CRIM1: variants seen among roughly 807,000 people sequenced by gnomAD.
CRIM1 encodes cysteine-rich motor neuron 1 protein.
CRIM1 carries 32 observed loss-of-function variants against 116.4 expected under a neutral mutation model. The observed-to-expected ratio is 0.27, with a 90% CI of 0.21 to 0.37. CRIM1 has a LOEUF of 0.37. Ranked by LOEUF, CRIM1 falls within the 10% of genes least tolerant of loss-of-function variation. CRIM1 has a pLI of 1.00. For missense variants in CRIM1, 1,331 were observed against 1,354.8 expected, an observed-to-expected ratio of 0.98 and a Z score of 0.28; for synonymous variants, 590 against 509.2, an observed-to-expected ratio of 1.16 and a Z score of -2.13.
At chr2:36,440,146 G>T (rs192591652) in intron 2 of CRIM1, among the ~76,000 whole-genome samples, 4 of 152,264 alleles carry the variant, frequency 2.6e-5, no homozygotes, top group Admixed American at 2.6e-4. Flanking sequence ...GAGGTGACCT[G>T]GATTCTTGCT....
intron 2 of CRIM1, among the ~76,000 whole-genome samples, chr2:36,418,924 A>G (rs1316325479): frequency 6.6e-6 from 1 of 152,098 alleles, no homozygotes; most frequent in Non-Finnish European, 1.5e-5. Context: ...CTGTGTCACC[A>G]CCACTGGAGT....
intron 7 of CRIM1, among the ~76,000 whole-genome samples, chr2:36,496,277 A>T (rs191979997): frequency 1.3e-5 from 2 of 152,346 alleles, no homozygotes; most frequent in East Asian, 3.9e-4. Context: ...TATATTTAAC[A>T]TATCACAATG....
At chr2:36,389,995 A>C (rs1572622697) in intron 1 of CRIM1, among the ~76,000 whole-genome samples, 2 of 152,082 alleles carry the variant, frequency 1.3e-5, no homozygotes, top group East Asian at 3.9e-4. Flanking sequence ...TATCCTTCTC[A>C]GTGCCCACTT....
chr2:36,500,009 C>T (rs76868362), intron 8 of CRIM1, among the ~76,000 whole-genome samples: 2,208 of 152,118 alleles, frequency 0.015, 59 homozygotes, highest in African/African-American at 0.051. Flanking sequence ...ATTGTCTTTA[C>T]ATAAAATATG....
rs941635166 is a variant in CRIM1, at chr2:36,549,585, G to A, written c.*884G>A. On this transcript the variant is annotated 3_prime_UTR_variant, in exon 17 of 17. Transcript: ENST00000280527. ...GTTGCTTTGTTCTGTTATATTGTTG[G>A]TTGTTCATAGTTTTTGTTGAAGCTC... is the stretch of plus-strand genomic sequence containing the variant. The A allele has an allele frequency of 6.6e-5, 10 of 152,264 alleles. No homozygotes were observed. The highest frequency in any genetic ancestry group is 1.2e-4 in the Non-Finnish European group (8 of 67,954). 9.4% of individuals were successfully genotyped at this position (152,264 alleles called of 1,614,324 possible).
chr2:36,548,430 TTA>T, intron 16 of CRIM1, 93 bp from the exon 17 acceptor site: 1 of 856,796 alleles, frequency 1.2e-6, no homozygotes, highest in Middle Eastern at 2.3e-4. Flanking sequence ...TGTGAAACTG[TTA>T]TCTCACCTGA....
At chr2:36,471,760 C>CACACACACACACA (rs1553316612) in intron 5 of CRIM1, among the ~76,000 whole-genome samples, 2 of 134,422 alleles carry the variant, frequency 1.5e-5, no homozygotes, top group African/African-American at 5.5e-5. Flanking sequence ...CACACACACA[C>CACACACACACACA]CATCTTACAA....
At chr2:36,457,799 T>G (rs562902940) in intron 4 of CRIM1, among the ~76,000 whole-genome samples, 55 of 152,308 alleles carry the variant, frequency 3.6e-4, no homozygotes, top group African/African-American at 1.3e-3. Context: ...AGTAAGAAAT[T>G]TAATCAGTAG....
At chr2:36,448,367 C>G (rs1676412330) in intron 4 of CRIM1, among the ~76,000 whole-genome samples, 1 of 152,222 alleles carries the variant, frequency 6.6e-6, no homozygotes, top group African/African-American at 2.4e-5. Flanking sequence ...CAGACCTCAG[C>G]CCAACTGGGC....
chr2:36,406,647 A>G (rs1672827499), intron 2 of CRIM1, among the ~76,000 whole-genome samples: 1 of 148,040 alleles, frequency 6.8e-6, no homozygotes, highest in Non-Finnish European at 1.5e-5. Flanking sequence ...AAAAAACAAA[A>G]AAAGATAACC....
rs752973727 is a variant in CRIM1 at position 36,550,374 on chromosome 2, A to G, written c.*1673A>G. On this transcript the variant is annotated 3_prime_UTR_variant, in exon 17 of 17. Coordinates refer to ENST00000280527, the MANE Select transcript of CRIM1 (RefSeq NM_016441.3). Reference sequence around the variant, plus strand: ...GGTAACTTTTCAAACAGCCCTTAGCACTTTTATACTAATTAACCCATTTGT... The same window carrying G: ...GGTAACTTTTCAAACAGCCCTTAGCGCTTTTATACTAATTAACCCATTTGT... 4.6e-5 allele frequency: 7 copies of G among 152,374 alleles called. No homozygotes were observed. The highest frequency in any genetic ancestry group is 8.8e-5 in the Non-Finnish European group (6 of 68,008). 9.4% of individuals were successfully genotyped at this position (152,374 alleles called of 1,614,324 possible). A position where few individuals can be genotyped will look rare whatever the true frequency, so the allele number is the denominator to read the frequency against.
In CRIM1 at chr2:36,356,895, G is replaced by C. The variant is rs960854444; in HGVS notation, c.331+272G>C. On this transcript the variant is annotated intron_variant, in intron 1 of 16. Coordinates refer to ENST00000280527, the MANE Select transcript of CRIM1 (RefSeq NM_016441.3). This position sits in a 1 kb window ranked among gnomAD's most constrained non-coding sequence, Gnocchi z 4.3. ...CCTGTCCCCGCGCAGACGCGCACACGTGTGGCCGTTCCTGCTGGGACTGGG... is the reference window on the plus strand; with the variant it reads ...CCTGTCCCCGCGCAGACGCGCACACCTGTGGCCGTTCCTGCTGGGACTGGG... 1.3e-5 allele frequency among the ~76,000 whole-genome samples: 2 copies of C among 152,136 alleles called. No individual in the cohort carries two copies. The highest frequency in any genetic ancestry group is 2.9e-5 in the Non-Finnish European group (2 of 68,014).
intron 13 of CRIM1, 107 bp downstream of exon 13, chr2:36,522,420 T>A: frequency 1.2e-6 from 1 of 826,398 alleles, no homozygotes; most frequent in Non-Finnish European, 2.0e-6. Context: ...GTTTTTTCCC[T>A]GCTTGACATG....
intron 2 of CRIM1, among the ~76,000 whole-genome samples, chr2:36,409,312 A>C (rs1055343093): frequency 2.6e-5 from 4 of 152,110 alleles, no homozygotes; most frequent in Admixed American, 2.0e-4. Flanking sequence ...ATCTAGGAAA[A>C]ATTTTAAATT....
chr2:36,527,570 G>C (rs192206327), intron 13 of CRIM1, among the ~76,000 whole-genome samples: 1 of 152,138 alleles, frequency 6.6e-6, no homozygotes, highest in Admixed American at 6.5e-5. Flanking sequence ...AACCTTAATA[G>C]GGAAATGTCT....
Position 36,546,674 on chromosome 2 carries a change from C to G in CRIM1, c.2747-310C>G, listed in dbSNP as rs371131479. On this transcript the variant is annotated intron_variant, in intron 15 of 16. Coordinates refer to ENST00000280527, the MANE Select transcript of CRIM1 (RefSeq NM_016441.3). ...CAAAATATTTTCATGGTCTAATTCACTTTTTCAAAATCTACCTAAGCACCT... is the reference window on the plus strand; with the variant it reads ...CAAAATATTTTCATGGTCTAATTCAGTTTTTCAAAATCTACCTAAGCACCT... Among the ~76,000 whole-genome samples the G allele has an allele frequency of 1.0e-3, 154 of 150,940 alleles. 1 individual carries two copies. The highest frequency in any genetic ancestry group is 3.6e-3 in the African/African-American group (148 of 41,192).
intron 12 of CRIM1, 33 bp from the exon 13 acceptor site, chr2:36,522,059 C>T: frequency 6.3e-7 from 1 of 1,590,442 alleles, no homozygotes; most frequent in Non-Finnish European, 8.6e-7. Flanking sequence ...CCAACAGCAT[C>T]TTCTTTGCTG....
chr2:36,505,314 A>T (rs1028047087), intron 8 of CRIM1, among the ~76,000 whole-genome samples: 4 of 152,196 alleles, frequency 2.6e-5, no homozygotes, highest in African/African-American at 9.7e-5. Flanking sequence ...GTGAAATGAC[A>T]TGTAACAAAA....
chr2:36,517,293 G>T (rs1204260009), intron 11 of CRIM1, 34 bp from the exon 12 acceptor site: 1 of 1,565,156 alleles, frequency 6.4e-7, no homozygotes, highest in Non-Finnish European at 8.8e-7. Flanking sequence ...GATTGCAGAT[G>T]AATAATGTGT....
Sources: allele counts gnomAD v4.1 joint callset (sites outside exome capture counted in the v4.1 genomes callset), GRCh38; gene constraint gnomAD v4.1.1; non-coding constraint Gnocchi (gnomAD v3.1); transcripts MANE v1.5; gene names NCBI Gene and HGNC (gene_info 2026-07-23, HGNC 2026-07-21).